The following KDM5A variants were observed in gnomAD, a reference collection of about 807,000 sequenced individuals.
The protein encoded by KDM5A is lysine demethylase 5A.
KDM5A carries 42 observed loss-of-function variants against 193.5 expected under a neutral mutation model. The observed-to-expected ratio is 0.22, with a 90% CI of 0.17 to 0.28. The LOEUF is 0.28. Ranked by LOEUF, KDM5A falls within the 10% of genes least tolerant of loss-of-function variation. The pLI, the probability that KDM5A is intolerant of heterozygous loss-of-function variation, is 1.00. For synonymous variants in KDM5A, 796 were observed against 718.1 expected (o/e 1.11, Z -1.73); for missense variants, 1,692 against 2,055.1 (o/e 0.82, Z 3.42).
At position 320,963 on chromosome 12, in the gene KDM5A, A is replaced by C. The variant is rs751763908; in HGVS notation, c.2541+32T>G. On this transcript the variant is annotated intron_variant, in intron 18 of 27. Coordinates refer to ENST00000399788, the MANE Select transcript of KDM5A (RefSeq NM_001042603.3). ...AGAACAGTGGACCATGTCACAAAGGACATTACCCAAAAAAAGGATGTAATA... is the reference window on the plus strand; with the variant it reads ...AGAACAGTGGACCATGTCACAAAGGCCATTACCCAAAAAAAGGATGTAATA... 18 of 1,398,464 alleles carry C rather than the reference A, an allele frequency of 1.3e-5. No homozygotes were observed. The Admixed American group carries it at 3.0e-4, about 23-fold the overall frequency. 86.6% of individuals were successfully genotyped at this position (1,398,464 alleles called of 1,614,324 possible). A position where few individuals can be genotyped will look rare whatever the true frequency, so the allele number is the denominator to read the frequency against.
chr12:366,402 C>T (rs1441886336), intron 3 of KDM5A, among the ~76,000 whole-genome samples: 1 of 152,086 alleles, frequency 6.6e-6, no homozygotes, highest in Non-Finnish European at 1.5e-5. Context: ...TACAGACAGA[C>T]TACCTACTTA....
chr12:349,388 T>A (rs536383253), intron 10 of KDM5A, among the ~76,000 whole-genome samples: 2 of 148,332 alleles, frequency 1.3e-5, no homozygotes, highest in South Asian at 2.1e-4. Context: ...TGGAGTGCAG[T>A]GGCATGATCT....
intron 10 of KDM5A, among the ~76,000 whole-genome samples, chr12:345,876 C>G (rs1297558655): frequency 6.6e-6 from 1 of 152,106 alleles, no homozygotes; most frequent in Non-Finnish European, 1.5e-5. Context: ...CAAGAGCAAG[C>G]AAATTCAAAA....
At chr12:362,927 T>C in intron 5 of KDM5A, 36 bp downstream of exon 5, 1 of 1,604,670 alleles carries the variant, frequency 6.2e-7, no homozygotes, top group Non-Finnish European at 8.5e-7. Context: ...ACTACATCTT[T>C]ATTTAAAAAT....
Position 307,026 on chromosome 12 carries a change from G to C in KDM5A, c.3994C>G (p.Pro1332Ala), listed in dbSNP as rs2137386839. 6.2e-7 allele frequency: 1 copy of C among 1,614,050 alleles called. No individual in the cohort carries two copies. The highest frequency in any genetic ancestry group is 8.5e-7 in the Non-Finnish European group (1 of 1,179,972). Residue 1332 changes from proline (P) to alanine (A), a missense_variant, in exon 24 of 28, where the codon CCT (proline) becomes GCT (alanine). By Grantham distance (27) the Pro-to-Ala change is conservative (BLOSUM62 -1). Coordinates refer to ENST00000399788, the MANE Select transcript of KDM5A (RefSeq NM_001042603.3). This position sits in a 1 kb window ranked among gnomAD's most constrained non-coding sequence, Gnocchi z 4.3. ...TCATCATAGTCCATTGTTTGTCGAG[G>C]AGAAGATGACACACTGCTCACCACC... ...NRVVSSVSSS[P>A]RQTMDYDDEE...
chr12:374,859 A>C (rs1343720378), intron 3 of KDM5A, among the ~76,000 whole-genome samples: 1 of 151,114 alleles, frequency 6.6e-6, no homozygotes, highest in African/African-American at 2.5e-5. Context: ...ATATGAAATT[A>C]TGGGTTGAAA....
At position 320,983 on chromosome 12, in the gene KDM5A, G is replaced by T; in HGVS notation, c.2541+12C>A. On this transcript the variant is annotated intron_variant, in intron 18 of 27. Coordinates refer to ENST00000399788, the MANE Select transcript of KDM5A (RefSeq NM_001042603.3). Reference sequence around the variant, plus strand: ...AAAGGACATTACCCAAAAAAAGGATGTAATACTCCACCTTTACTTGCCGAG... The same window carrying T: ...AAAGGACATTACCCAAAAAAAGGATTTAATACTCCACCTTTACTTGCCGAG... The T allele has an allele frequency of 6.4e-7, 1 of 1,572,808 alleles. No homozygotes were observed. The highest frequency in any genetic ancestry group is 8.8e-7 in the Non-Finnish European group (1 of 1,142,416).
At chr12:297,331 G>T in intron 24 of KDM5A, 131 bp from the exon 25 acceptor site, 4 of 790,758 alleles carry the variant, frequency 5.1e-6, no homozygotes, top group Non-Finnish European at 8.3e-6. Flanking sequence ...TTAAATATCT[G>T]ATGTTAAATA....
intron 3 of KDM5A, among the ~76,000 whole-genome samples, chr12:377,291 C>G (rs1944518660): frequency 6.6e-6 from 1 of 150,906 alleles, no homozygotes; most frequent in Non-Finnish European, 1.5e-5. Flanking sequence ...AATAAAGAGT[C>G]AAAAAGAAGA....
In KDM5A at chr12:283,418, A is replaced by G. The variant is rs970254556; in HGVS notation, c.*2038T>C. The G allele has an allele frequency of 1.0e-4, 24 of 233,036 alleles. No individual in the cohort carries two copies. The highest frequency in any genetic ancestry group is 4.2e-4 in the African/African-American group (19 of 45,450). The allele number at this position is 233,036 out of a possible 1,614,324, so 14.4% of individuals were successfully genotyped here. On this transcript the variant is annotated 3_prime_UTR_variant, in exon 28 of 28. Transcript: ENST00000399788. ...AGATGAGACCTCAAGACATATGCACAGCAACACTAACAAACCTCTGAACAA... is the reference window on the plus strand; with the variant it reads ...AGATGAGACCTCAAGACATATGCACGGCAACACTAACAAACCTCTGAACAA...
intron 27 of KDM5A, among the ~76,000 whole-genome samples, chr12:287,230 A>G (rs935857149): frequency 2.6e-5 from 4 of 152,200 alleles, no homozygotes; most frequent in African/African-American, 9.6e-5. Context: ...TTTAAAATGT[A>G]GCTGGGACCC....
Position 285,243 on chromosome 12 carries a change from T to C in KDM5A, c.*213A>G, listed in dbSNP as rs1488491027. On this transcript the variant is annotated 3_prime_UTR_variant, in exon 28 of 28. Coordinates refer to ENST00000399788, the MANE Select transcript of KDM5A (RefSeq NM_001042603.3). ...AAAGGAGACATGAAATATTGGCTGT[T>C]GTACCAAAGAAGACACCCTCTGCAT... 5 of 593,782 alleles carry C rather than the reference T, an allele frequency of 8.4e-6. No individual in the cohort carries two copies. Among genetic ancestry groups the C allele is most frequent in the Admixed American group, 3.0e-5 (1 of 33,694 alleles). 36.8% of individuals were successfully genotyped at this position (593,782 alleles called of 1,614,324 possible). A position where few individuals can be genotyped will look rare whatever the true frequency, so the allele number is the denominator to read the frequency against.
At position 318,117 on chromosome 12, in the gene KDM5A, G is replaced by A. The variant is rs751429063; in HGVS notation, c.2886C>T (p.Cys962=). The part of the protein sequence containing the change: ...SERWEEKAKV[C]LQARPRHSVA... ...CAAAATGTGTTCACCTTGCCTGTAG[G>A]CAGACCTTAGCCTTTTCTTCCCATC... The change falls in exon 19 of 28, where the codon TGC becomes TGT. Residue 962 remains cysteine, a synonymous_variant. Transcript: ENST00000399788. 2.5e-6 allele frequency: 4 copies of A among 1,613,906 alleles called. No individual in the cohort carries two copies. Among genetic ancestry groups the A allele is most frequent in the Admixed American group, 1.7e-5 (1 of 60,028 alleles).
chr12:307,436 T>C lies in KDM5A; in HGVS notation c.3930+18A>G. ...CATATCCCATGAAATAGAAAAAGAA[T>C]GTAAATCCTAAACTTGCCTGTAAGT... On this transcript the variant is annotated intron_variant, in intron 23 of 27. Transcript: ENST00000399788. This position sits in a 1 kb window ranked among gnomAD's most constrained non-coding sequence, Gnocchi z 4.3. 2.5e-6 allele frequency: 4 copies of C among 1,609,960 alleles called. No individual in the cohort carries two copies. Among genetic ancestry groups the C allele is most frequent in the Non-Finnish European group, 3.4e-6 (4 of 1,177,752 alleles).
At chr12:348,321 C>T (rs1033448229) in intron 10 of KDM5A, among the ~76,000 whole-genome samples, 1 of 152,138 alleles carries the variant, frequency 6.6e-6, no homozygotes, top group Non-Finnish European at 1.5e-5. Context: ...TGGGACTGTA[C>T]ACTAGTTCAA....
rs920436634 is a variant in KDM5A at position 285,541 on chromosome 12, C to A, written c.4988G>T (p.Gly1663Val). ...TGGTGCTGGACCTGGGCTAACTGGCCCCTGCTTCTTTGCACAGTTTATACA... is the reference window on the plus strand; with the variant it reads ...TGGTGCTGGACCTGGGCTAACTGGCACCTGCTTCTTTGCACAGTTTATACA... ...YICINCAKKQ[G>V]PVSPGPAPPP... The change falls in exon 28 of 28, where the codon GGG becomes GTG. Residue 1663 changes from glycine to valine, a missense_variant. By Grantham distance (109) the Gly-to-Val change is moderately radical. This residue lies in a region of KDM5A where 41 missense variants were observed against 36.3 expected (regional missense o/e 1.13). Transcript: ENST00000399788. 3.7e-6 allele frequency: 6 copies of A among 1,614,014 alleles called. No homozygotes were observed. In the East Asian group the frequency reaches 1.1e-4, roughly 30 times the overall value.
At chr12:359,288 G>A (rs1435891424) in intron 5 of KDM5A, among the ~76,000 whole-genome samples, 1 of 152,182 alleles carries the variant, frequency 6.6e-6, no homozygotes, top group East Asian at 1.9e-4. Flanking sequence ...GTGGGAACAA[G>A]CACACCGTGT....
chr12:296,119 A>C (rs1203570106), intron 25 of KDM5A, among the ~76,000 whole-genome samples: 2 of 151,936 alleles, frequency 1.3e-5, no homozygotes, highest in African/African-American at 4.8e-5. Flanking sequence ...AGGAGTTCGA[A>C]ACCAGCCTGA....
rs777632590 is a variant in KDM5A at position 389,123 on chromosome 12, T to A, written c.-32A>T. 1 of 1,489,810 alleles carries A rather than the reference T, an allele frequency of 6.7e-7. No individual in the cohort carries two copies. Among genetic ancestry groups the A allele is most frequent in the South Asian group, 1.2e-5 (1 of 81,620 alleles). The allele number at this position is 1,489,810 out of a possible 1,614,324, so 92.3% of individuals were successfully genotyped here. On this transcript the variant is annotated 5_prime_UTR_variant, in exon 1 of 28. Coordinates refer to ENST00000399788, the MANE Select transcript of KDM5A (RefSeq NM_001042603.3). The stretch of plus-strand genomic sequence containing the variant: ...GGCCGGGGGGGGGGGGGGGTCCCCG[T>A]GGGGAACCGGTGGAGAAAAGCTGGC...
Sources: allele counts gnomAD v4.1 joint callset (sites outside exome capture counted in the v4.1 genomes callset), GRCh38; gene constraint gnomAD v4.1.1; regional missense constraint gnomAD v4.1.1; non-coding constraint Gnocchi (gnomAD v3.1); transcripts MANE v1.5; gene names NCBI Gene and HGNC (gene_info 2026-07-23, HGNC 2026-07-21).